The following THBS4 variants were observed in gnomAD, a reference collection of about 807,000 sequenced individuals.
THBS4 encodes thrombospondin-4.
In THBS4, 90 loss-of-function variants were observed where a neutral mutation model predicts 115.7. The ratio of observed to expected loss-of-function variants is 0.78; its 90% CI spans 0.66 to 0.93. The LOEUF is 0.93. Among genes scored for constraint, THBS4 ranks in the 40% least tolerant of loss-of-function variants. The pLI is 0.00. For synonymous variants in THBS4, 460 were observed against 479.3 expected, an observed-to-expected ratio of 0.96 and a Z score of 0.53; for missense variants, 1,087 against 1,232.7, an observed-to-expected ratio of 0.88 and a Z score of 1.77.
At chr5:80,048,650 G>C (rs1327020095) in intron 2 of THBS4, among the ~76,000 whole-genome samples, 1 of 151,878 alleles carries the variant, frequency 6.6e-6, no homozygotes, top group African/African-American at 2.4e-5. Context: ...GTGTGTGTGT[G>C]TGTGTGTGTG....
chr5:80,026,264 C>T (rs1360901590), intron 2 of THBS4, among the ~76,000 whole-genome samples: 1 of 152,068 alleles, frequency 6.6e-6, no homozygotes, highest in Non-Finnish European at 1.5e-5. Context: ...AATATTTTTT[C>T]GTTTGCGGTA....
chr5:80,028,616 G>A (rs973456184), intron 2 of THBS4, among the ~76,000 whole-genome samples: 5 of 152,008 alleles, frequency 3.3e-5, no homozygotes, highest in African/African-American at 1.2e-4. Context: ...CCACCACCAT[G>A]CCCAGCTAAT....
At chr5:80,074,626 C>CTT (rs35937190) in intron 15 of THBS4, among the ~76,000 whole-genome samples, 5,701 of 142,480 alleles carry the variant, frequency 0.04, 222 homozygotes, top group African/African-American at 0.089. Flanking sequence ...CTCTCTCTCT[C>CTT]TTTTTTTTTT....
At chr5:80,075,499 T>G (rs1222682527) in intron 15 of THBS4, 1 of 152,212 alleles carries the variant, frequency 6.6e-6, no homozygotes, top group Non-Finnish European at 1.5e-5. Context: ...CCCTCTCCTC[T>G]TCCGAGAGGA....
chr5:80,069,835 G>T (rs1171487085), intron 10 of THBS4, among the ~76,000 whole-genome samples: 5 of 152,202 alleles, frequency 3.3e-5, no homozygotes, highest in African/African-American at 1.2e-4. Flanking sequence ...AGAATAAGCA[G>T]GCTGTGGCTG....
At chr5:80,082,625 C>A in intron 21 of THBS4, 80 bp downstream of exon 21, 1 of 1,491,910 alleles carries the variant, frequency 6.7e-7, no homozygotes, top group Non-Finnish European at 8.9e-7. Flanking sequence ...TACCGCACTT[C>A]CCCCCCAAAA....
intron 2 of THBS4, 89 bp from the exon 3 acceptor site, chr5:80,055,696 G>A: frequency 6.5e-7 from 1 of 1,535,606 alleles, no homozygotes; most frequent in Non-Finnish European, 8.8e-7. Flanking sequence ...AGGCTGTTCA[G>A]CACAGGACAC....
rs771870599 is a variant in THBS4, at chr5:80,068,109, G to A, written c.1331G>A (p.Gly444Glu). 3.1e-6 allele frequency: 5 copies of A among 1,614,012 alleles called. No individual in the cohort carries two copies. In the East Asian group the frequency reaches 1.1e-4, roughly 36 times the overall value. ...VNAQCIEERQGDVTCVCGVGW... is the reference protein window; with the variant it reads ...VNAQCIEERQEDVTCVCGVGW... ...GCCCAGTGCATTGAAGAGAGGCAGG[G>A]GGATGTGACATGTGTGGTAAGTTGT... The change falls in exon 10 of 22, where the codon GGG (glycine) becomes GAG (glutamate). Residue 444 changes from glycine (G) to glutamate (E), a missense_variant. Transcript: ENST00000350881.
At position 80,071,051 on chromosome 5, in the gene THBS4, C is replaced by G. The variant is rs199532352; in HGVS notation, c.1591C>G (p.Gln531Glu). Residue 531 changes from glutamine (Q) to glutamate (E), a missense_variant, in exon 13 of 22, where the codon CAA becomes GAA. Gln to Glu is a conservative substitution (Grantham distance 29). Around this residue, in one of 3 missense-constraint regions of THBS4, gnomAD observed 979 missense variants for 1,103.7 expected, o/e 0.89. Transcript: ENST00000350881. ...CTGTGTCCTGATTCATAATGTGGAC[C>G]AAAGGAACAGCGATAAAGATATCTT... The part of the protein sequence containing the change: ...DNCVLIHNVD[Q>E]RNSDKDIFGD... The G allele has an allele frequency of 2.5e-4, 401 of 1,613,188 alleles. No homozygotes were observed. Among genetic ancestry groups the G allele is most frequent in the Middle Eastern group, 3.3e-4 (2 of 6,062 alleles).
rs772275848 is a variant in THBS4, at chr5:80,080,027, G to A, written c.2634G>A (p.Lys878=). 3.7e-6 allele frequency: 6 copies of A among 1,614,150 alleles called. No individual in the cohort carries two copies. Among genetic ancestry groups the A allele is most frequent in the Non-Finnish European group, 5.1e-6 (6 of 1,180,016 alleles). ...KDSRNVGWKD[K]VSYRWFLQHR... Reference sequence around the variant, plus strand: ...CCAGGAATGTGGGCTGGAAGGACAAGGTGTCCTACCGCTGGTTCCTACAGC... The same window carrying A: ...CCAGGAATGTGGGCTGGAAGGACAAAGTGTCCTACCGCTGGTTCCTACAGC... The change falls in exon 20 of 22, where the codon AAG becomes AAA. Residue 878 remains lysine (K), a synonymous_variant. Transcript: ENST00000350881.
rs1223877277 is a variant in THBS4 at position 80,078,926 on chromosome 5, G to A, written c.2271G>A (p.Met757Ile). ...TCCCTCAACTCTCTCTGCAGGGCAT[G>A]GAGATTGTACAGACCATGAACAGTG... ...DPNWVVLNQG[M>I]EIVQTMNSDP... Residue 757 changes from methionine (M) to isoleucine (I), a missense_variant, in exon 18 of 22, where the codon ATG becomes ATA. Coordinates refer to ENST00000350881, the MANE Select transcript of THBS4 (RefSeq NM_003248.6). 8.1e-6 allele frequency: 13 copies of A among 1,613,930 alleles called. No homozygotes were observed. The highest frequency in any genetic ancestry group is 1.1e-5 in the Non-Finnish European group (13 of 1,179,844).
At position 80,035,420 on chromosome 5, in the gene THBS4, G is replaced by A; in HGVS notation, c.-118G>A. On this transcript the variant is annotated 5_prime_UTR_variant, in exon 1 of 22. Transcript: ENST00000350881. The surrounding 1 kb of genome is among the most constrained non-coding windows in gnomAD (Gnocchi z 4.6). ...CGACGGCAGCCCGGACGCCGAGCAC[G>A]GGTCACCTGCGGCGCCGGCCCGGGC... The A allele has an allele frequency of 5.3e-6, 3 of 570,498 alleles. No homozygotes were observed. Among genetic ancestry groups the A allele is most frequent in the Non-Finnish European group, 5.0e-6 (2 of 400,072 alleles). 35.3% of individuals were successfully genotyped at this position (570,498 alleles called of 1,614,324 possible).
At chr5:80,078,860 C>T (rs749936960) in intron 17 of THBS4, 61 bp from the exon 18 acceptor site, 296 of 1,547,910 alleles carry the variant, frequency 1.9e-4, no homozygotes, top group African/African-American at 9.7e-4. Context: ...AGGTTTTGAG[C>T]TTCCTTAAGG....
intron 9 of THBS4, chr5:80,067,699 C>T (rs1580973378): frequency 9.6e-6 from 3 of 312,704 alleles, no homozygotes; most frequent in East Asian, 1.3e-4. Flanking sequence ...CACGGTGGCG[C>T]GGGCAACTCA....
intron 2 of THBS4, among the ~76,000 whole-genome samples, chr5:80,008,896 T>C (rs1832068962): frequency 1.3e-5 from 2 of 152,214 alleles, no homozygotes; most frequent in South Asian, 4.1e-4. Flanking sequence ...AGTATATGTA[T>C]TAATATCTTA....
intron 9 of THBS4, among the ~76,000 whole-genome samples, chr5:80,066,080 G>A (rs1378031308): frequency 7.7e-6 from 1 of 129,576 alleles, no homozygotes; most frequent in Non-Finnish European, 1.6e-5. Flanking sequence ...GGGCGACAGA[G>A]CAAGACTCCC....
At chr5:80,082,936 C>A in intron 21 of THBS4, 144 bp from the exon 22 acceptor site, 1 of 755,664 alleles carries the variant, frequency 1.3e-6, no homozygotes, top group Non-Finnish European at 2.3e-6. Context: ...AAGCAGCCTG[C>A]AGGAGAAAAT....
In THBS4 at chr5:80,082,311, A is replaced by G. The variant is rs140301034; in HGVS notation, c.2685-95A>G. On this transcript the variant is annotated intron_variant, in intron 20 of 21. Coordinates refer to ENST00000350881, the MANE Select transcript of THBS4 (RefSeq NM_003248.6). ...CCTAAAACAGAGCAAAGAAAGACGC[A>G]GGTACGTATAAGAAGTGGGGCCCCT... 3.1e-4 allele frequency: 471 copies of G among 1,503,724 alleles called. 4 individuals carry two copies. In the East Asian group the frequency reaches 0.01, roughly 33 times the overall value. 93.1% of individuals were successfully genotyped at this position (1,503,724 alleles called of 1,614,324 possible). A position where few individuals can be genotyped will look rare whatever the true frequency, so the allele number is the denominator to read the frequency against.
intron 2 of THBS4, among the ~76,000 whole-genome samples, chr5:80,049,651 T>G (rs948145652): frequency 1.3e-5 from 2 of 152,164 alleles, no homozygotes; most frequent in African/African-American, 2.4e-5. Flanking sequence ...TAAGTAGTTG[T>G]AGTGGTGCCC....
Sources: allele counts gnomAD v4.1 joint callset (sites outside exome capture counted in the v4.1 genomes callset), GRCh38; gene constraint gnomAD v4.1.1; regional missense constraint gnomAD v4.1.1; non-coding constraint Gnocchi (gnomAD v3.1); transcripts MANE v1.5; gene names NCBI Gene and HGNC (gene_info 2026-07-23, HGNC 2026-07-21).